Variants in BTBD9 observed in about 807,000 individuals in gnomAD.
The protein encoded by BTBD9 is BTB/POZ domain-containing protein 9.
In BTBD9, 49 loss-of-function variants were observed where a neutral mutation model predicts 64.3. The observed-to-expected ratio is 0.76, with a 90% CI of 0.61 to 0.97. The LOEUF (loss-of-function observed/expected upper bound fraction) is 0.97, where lower values mean the gene tolerates loss of function less well. Ranked by LOEUF, BTBD9 falls within the 50% of genes least tolerant of loss-of-function variation. The probability of loss-of-function intolerance (pLI) is 0.00; values close to 1 mark genes in which losing one functional copy is unlikely to be tolerated. For missense variants in BTBD9, 598 were observed against 762.1 expected (o/e 0.78, Z 2.53); for synonymous variants, 260 against 274.7 (o/e 0.95, Z 0.53).
intron 8 of BTBD9, among the ~76,000 whole-genome samples, chr6:38,271,577 T>C (rs1470756150): frequency 3.9e-5 from 6 of 152,128 alleles, no homozygotes; most frequent in Admixed American, 2.6e-4. Flanking sequence ...AACACAGCCA[T>C]GCCCCTCAGC....
intron 8 of BTBD9, among the ~76,000 whole-genome samples, chr6:38,282,085 C>T (rs929105620): frequency 3.3e-5 from 5 of 152,054 alleles, no homozygotes; most frequent in Non-Finnish European, 7.4e-5. Context: ...TAAACTAAGG[C>T]GACAGAGGGA....
At chr6:38,545,426 C>T (rs950451973) in intron 6 of BTBD9, among the ~76,000 whole-genome samples, 2 of 152,046 alleles carry the variant, frequency 1.3e-5, no homozygotes, top group South Asian at 2.1e-4. Context: ...GTTTAGATAG[C>T]GGCGATGGCT....
chr6:38,549,447 T>C (rs1200619725), intron 6 of BTBD9, among the ~76,000 whole-genome samples: 1 of 152,176 alleles, frequency 6.6e-6, no homozygotes, highest in African/African-American at 2.4e-5. Flanking sequence ...GGCAGTATGT[T>C]TGTCCCCAAA....
intron 6 of BTBD9, among the ~76,000 whole-genome samples, chr6:38,388,164 T>A (rs1983605): frequency 0.42 from 63,577 of 151,134 alleles, 16,979 homozygotes; most frequent in East Asian, 0.95. Context: ...CTGGATTTAA[T>A]TGTTCAGATA....
chr6:38,223,480 C>T (rs755776384), intron 9 of BTBD9, among the ~76,000 whole-genome samples: 20 of 152,044 alleles, frequency 1.3e-4, no homozygotes, highest in Non-Finnish European at 2.4e-4. Context: ...ACTACAGGCA[C>T]GAGCCACCAT....
intron 6 of BTBD9, among the ~76,000 whole-genome samples, chr6:38,508,488 T>G (rs1191442257): frequency 6.6e-6 from 1 of 152,236 alleles, no homozygotes; most frequent in Non-Finnish European, 1.5e-5. Flanking sequence ...TGGCACTTCT[T>G]ACCTAGACTT....
At chr6:38,206,538 G>T (rs1387732715) in intron 9 of BTBD9, among the ~76,000 whole-genome samples, 6 of 151,918 alleles carry the variant, frequency 3.9e-5, no homozygotes, top group African/African-American at 1.5e-4. Context: ...ACTGCACCTG[G>T]CCACTTTTTA....
At chr6:38,502,113 T>C (rs1772230192) in intron 6 of BTBD9, among the ~76,000 whole-genome samples, 1 of 152,214 alleles carries the variant, frequency 6.6e-6, no homozygotes, top group Non-Finnish European at 1.5e-5. Flanking sequence ...ATGCTGATGC[T>C]GGACACCTGC....
At chr6:38,523,690 T>C (rs1324314955) in intron 6 of BTBD9, among the ~76,000 whole-genome samples, 2 of 152,240 alleles carry the variant, frequency 1.3e-5, no homozygotes, top group Non-Finnish European at 2.9e-5. Context: ...CTACAGTATT[T>C]TTTTCATTAT....
chr6:38,594,403 C>T, intron 2 of BTBD9, 76 bp from the exon 3 acceptor site: 1 of 1,449,964 alleles, frequency 6.9e-7, no homozygotes, highest in South Asian at 1.5e-5. Flanking sequence ...TAACAGTTAT[C>T]AACATTATGC....
intron 6 of BTBD9, among the ~76,000 whole-genome samples, chr6:38,507,693 C>A (rs574882145): frequency 6.6e-6 from 1 of 152,206 alleles, no homozygotes; most frequent in East Asian, 1.9e-4. Context: ...GTCTCATAAG[C>A]CCCCCTCTTC....
At chr6:38,229,501 C>A (rs1377269797) in intron 9 of BTBD9, among the ~76,000 whole-genome samples, 1 of 152,148 alleles carries the variant, frequency 6.6e-6, no homozygotes, top group Non-Finnish European at 1.5e-5. Context: ...GTTTCCTGAA[C>A]TCCCATCATC....
chr6:38,515,119 C>T (rs974120541), intron 6 of BTBD9, among the ~76,000 whole-genome samples: 5 of 152,224 alleles, frequency 3.3e-5, no homozygotes, highest in African/African-American at 9.6e-5. Flanking sequence ...TTTACAGATG[C>T]TTCCAGAATT....
intron 2 of BTBD9, chr6:38,595,839 C>A (rs1777010247): frequency 1.0e-6 from 1 of 985,210 alleles, no homozygotes; most frequent in Admixed American, 6.1e-5. Context: ...AGCATCCAAC[C>A]ATTACCCTAA....
intron 6 of BTBD9, among the ~76,000 whole-genome samples, chr6:38,360,501 T>C (rs1360251221): frequency 6.6e-6 from 1 of 152,182 alleles, no homozygotes; most frequent in Admixed American, 6.5e-5. Context: ...TAGTACATTC[T>C]GTTATATAAA....
intron 9 of BTBD9, among the ~76,000 whole-genome samples, chr6:38,250,193 A>G (rs944478665): frequency 6.6e-6 from 1 of 152,218 alleles, no homozygotes; most frequent in African/African-American, 2.4e-5. Flanking sequence ...ACATTCCACA[A>G]AAAGAAAATG....
chr6:38,278,624 C>T (rs1761383922), intron 8 of BTBD9, among the ~76,000 whole-genome samples: 1 of 152,168 alleles, frequency 6.6e-6, no homozygotes, highest in Admixed American at 6.5e-5. Flanking sequence ...GGATGAAACT[C>T]AAACTATGCT....
intron 6 of BTBD9, among the ~76,000 whole-genome samples, chr6:38,451,746 C>A (rs1423868815): frequency 6.6e-6 from 1 of 152,054 alleles, no homozygotes; most frequent in Non-Finnish European, 1.5e-5. Flanking sequence ...TTTTCATTCC[C>A]ATCTGACACT....
intron 6 of BTBD9, among the ~76,000 whole-genome samples, chr6:38,475,985 C>T (rs1770858849): frequency 6.6e-6 from 1 of 152,176 alleles, no homozygotes; most frequent in Non-Finnish European, 1.5e-5. Context: ...TTCTCCCTAA[C>T]TCTTCAAAGA....
Sources: allele counts gnomAD v4.1 joint callset (sites outside exome capture counted in the v4.1 genomes callset), GRCh38; gene constraint gnomAD v4.1.1; transcripts MANE v1.5; gene names NCBI Gene and HGNC (gene_info 2026-07-23, HGNC 2026-07-21).